Variants in NPAS3 observed in about 807,000 individuals in gnomAD.
NPAS3 encodes the protein neuronal PAS domain-containing protein 3.
In NPAS3, 14 loss-of-function variants were observed where a neutral mutation model predicts 73.1. That is an observed-to-expected ratio of 0.19 (90% CI 0.13 to 0.30). The LOEUF (loss-of-function observed/expected upper bound fraction) is 0.30, where lower values mean the gene tolerates loss of function less well. Among genes scored for constraint, NPAS3 ranks in the 10% least tolerant of loss-of-function variants. NPAS3 has a pLI of 1.00. For synonymous variants in NPAS3, 620 were observed against 541.5 expected (o/e 1.14, Z -2.01); for missense variants, 1,096 against 1,250.0 (o/e 0.88, Z 1.86).
At chr14:33,221,022 G>A (rs534183917) in intron 3 of NPAS3, among the ~76,000 whole-genome samples, 29 of 152,296 alleles carry the variant, frequency 1.9e-4, no homozygotes, top group Non-Finnish European at 2.8e-4. Flanking sequence ...ATGGAGCTGC[G>A]GTTAGGCTGC....
At chr14:33,442,046 T>C (rs1443384112) in intron 4 of NPAS3, among the ~76,000 whole-genome samples, 2 of 152,212 alleles carry the variant, frequency 1.3e-5, no homozygotes, top group Non-Finnish European at 2.9e-5. Context: ...AATTATTTCA[T>C]GATTCCTCGT....
chr14:33,064,923 A>G (rs531101364), intron 2 of NPAS3, among the ~76,000 whole-genome samples: 1 of 152,198 alleles, frequency 6.6e-6, no homozygotes, highest in Admixed American at 6.5e-5. Flanking sequence ...GAGGTGTTCT[A>G]ATTTGTATAT....
intron 1 of NPAS3, among the ~76,000 whole-genome samples, chr14:32,945,092 T>C (rs754365227): frequency 3.9e-5 from 6 of 152,176 alleles, no homozygotes; most frequent in Non-Finnish European, 7.4e-5. Context: ...CAAAATATTA[T>C]AGAGAGCCAG....
At chr14:33,754,261 G>T (rs1339875557) in intron 7 of NPAS3, among the ~76,000 whole-genome samples, 1 of 152,164 alleles carries the variant, frequency 6.6e-6, no homozygotes, top group Non-Finnish European at 1.5e-5. Flanking sequence ...AATAGGTGGG[G>T]TGTGAGGGAT....
intron 4 of NPAS3, among the ~76,000 whole-genome samples, chr14:33,414,554 A>G (rs1360072212): frequency 6.6e-6 from 1 of 152,160 alleles, no homozygotes; most frequent in Non-Finnish European, 1.5e-5. Context: ...GATAAGTTTT[A>G]CTTCAAATTT....
chr14:33,066,178 C>A (rs544173247), intron 2 of NPAS3, among the ~76,000 whole-genome samples: 2 of 152,242 alleles, frequency 1.3e-5, no homozygotes, highest in South Asian at 4.1e-4. Flanking sequence ...CTTCTCATCC[C>A]CTGGAGAAAT....
intron 7 of NPAS3, among the ~76,000 whole-genome samples, chr14:33,759,549 T>C (rs1024632912): frequency 5.3e-5 from 8 of 152,246 alleles, no homozygotes; most frequent in African/African-American, 2.4e-5. Flanking sequence ...GAAGGTGACC[T>C]GGAATACATG....
rs150127644 is a variant in NPAS3 at position 33,655,685 on chromosome 14, T to C, written c.559-20526T>C. ...ATCCTTTTCCATTTAGTTTTCTTCA[T>C]TGTTGTTTGCTTTCGCCTTGTTGTT... is the stretch of plus-strand genomic sequence containing the variant. On this transcript the variant is annotated intron_variant, in intron 5 of 11. Coordinates refer to ENST00000356141, the Ensembl canonical transcript of NPAS3. Among the ~76,000 whole-genome samples, 461 of 152,290 alleles carry C rather than the reference T, an allele frequency of 3.0e-3. 4 individuals carry two copies. The highest frequency in any genetic ancestry group is 0.011 in the African/African-American group (441 of 41,560).
At chr14:33,064,383 A>G (rs1386221912) in intron 2 of NPAS3, among the ~76,000 whole-genome samples, 1 of 152,144 alleles carries the variant, frequency 6.6e-6, no homozygotes, top group South Asian at 2.1e-4. Context: ...TTTCCACTTT[A>G]CCCTACTCAT....
At chr14:33,032,284 C>G (rs2040021641) in intron 1 of NPAS3, among the ~76,000 whole-genome samples, 1 of 152,090 alleles carries the variant, frequency 6.6e-6, no homozygotes, top group Admixed American at 6.5e-5. Flanking sequence ...CAGATTGGAA[C>G]TGGGTTTTAG....
intron 5 of NPAS3, among the ~76,000 whole-genome samples, chr14:33,613,047 T>C (rs2057799421): frequency 6.6e-6 from 1 of 152,222 alleles, no homozygotes; most frequent in African/African-American, 2.4e-5. Flanking sequence ...CAGGTAGTAA[T>C]GTAAGGTAAC....
intron 2 of NPAS3, among the ~76,000 whole-genome samples, chr14:33,139,020 T>A (rs2043944481): frequency 1.3e-5 from 2 of 152,216 alleles, no homozygotes; most frequent in African/African-American, 2.4e-5. Flanking sequence ...AAAAGTTTCT[T>A]CATGATAGAG....
intron 3 of NPAS3, among the ~76,000 whole-genome samples, chr14:33,294,257 TC>T (rs1272186823): frequency 6.6e-6 from 1 of 152,226 alleles, no homozygotes; most frequent in Non-Finnish European, 1.5e-5. Flanking sequence ...ACATTGGTCT[TC>T]TTTCAGTTTC....
At chr14:33,362,363 C>G (rs2045642447) in intron 3 of NPAS3, among the ~76,000 whole-genome samples, 1 of 152,174 alleles carries the variant, frequency 6.6e-6, no homozygotes, top group Admixed American at 6.5e-5. Context: ...GAAACAGATA[C>G]ACACACTCAT....
intron 2 of NPAS3, among the ~76,000 whole-genome samples, chr14:33,094,138 C>G (rs1218582504): frequency 1.3e-5 from 2 of 151,846 alleles, no homozygotes; most frequent in Non-Finnish European, 2.9e-5. Flanking sequence ...TGCCCACCAC[C>G]TTACAAAGCT....
At chr14:33,362,808 T>G (rs935726112) in intron 3 of NPAS3, among the ~76,000 whole-genome samples, 2 of 152,212 alleles carry the variant, frequency 1.3e-5, no homozygotes, top group African/African-American at 4.8e-5. Context: ...GAAGTACCTC[T>G]GAAATGATGT....
In NPAS3 at chr14:33,018,069, A is replaced by C. The variant is rs1051221639; in HGVS notation, c.51-37836A>C. Among the ~76,000 whole-genome samples the C allele has an allele frequency of 2.0e-5, 3 of 152,340 alleles. No homozygotes were observed. In the East Asian group the frequency reaches 5.8e-4, roughly 29 times the overall value. ...AAGAAACTGGTCCCATTACTCTTGA[A>C]TAATTTGGCCACATCTAGAATATGT... On this transcript the variant is annotated intron_variant, in intron 1 of 11. Transcript: ENST00000356141.
intron 2 of NPAS3, among the ~76,000 whole-genome samples, chr14:33,088,895 G>T (rs2042124863): frequency 1.3e-5 from 2 of 152,220 alleles, no homozygotes; most frequent in Non-Finnish European, 2.9e-5. Context: ...AGCCTCTGCT[G>T]CTGATACCCA....
intron 6 of NPAS3, among the ~76,000 whole-genome samples, chr14:33,699,644 G>C (rs1272961846): frequency 6.6e-6 from 1 of 152,178 alleles, no homozygotes; most frequent in Non-Finnish European, 1.5e-5. Flanking sequence ...AGAGTAATTA[G>C]AACTGTAATT....
Sources: allele counts gnomAD v4.1 joint callset (sites outside exome capture counted in the v4.1 genomes callset), GRCh38; gene constraint gnomAD v4.1.1; transcripts MANE v1.5; gene names NCBI Gene and HGNC (gene_info 2026-07-23, HGNC 2026-07-21).